The following C10orf71 variants were observed in gnomAD, a reference collection of about 807,000 sequenced individuals.
C10orf71 encodes the protein cardiac-enriched FHL2-interacting protein.
For missense variants in C10orf71, 1,869 were observed against 1,804.5 expected (o/e 1.04, Z -0.65); for synonymous variants, 758 against 726.3 (o/e 1.04, Z -0.70).
intron 1 of C10orf71, among the ~76,000 whole-genome samples, chr10:49,300,380 G>A (rs977009422): frequency 1.3e-5 from 2 of 148,898 alleles, no homozygotes; most frequent in African/African-American, 5.0e-5. Flanking sequence ...AACTGAAAAC[G>A]CTTACAATGT....
intron 1 of C10orf71, among the ~76,000 whole-genome samples, chr10:49,300,740 G>A (rs1048949276): frequency 1.3e-5 from 2 of 152,214 alleles, no homozygotes; most frequent in Admixed American, 6.5e-5. Context: ...CCTTCCCCGG[G>A]TGACCCAAGT....
intron 1 of C10orf71, among the ~76,000 whole-genome samples, chr10:49,312,582 C>T (rs911160125): frequency 6.6e-6 from 1 of 152,206 alleles, no homozygotes; most frequent in Admixed American, 6.5e-5. Flanking sequence ...GGCATCAAAG[C>T]CACTCCCCAA....
chr10:49,317,565 T>C (rs1333876060), intron 2 of C10orf71, among the ~76,000 whole-genome samples: 1 of 152,002 alleles, frequency 6.6e-6, no homozygotes, highest in Non-Finnish European at 1.5e-5. Context: ...AAAGGGAAAA[T>C]TTGGGCAGAG....
In C10orf71 at chr10:49,325,316, G is replaced by A. The variant is rs375445110; in HGVS notation, c.2771G>A (p.Gly924Asp). Residue 924 changes from glycine to aspartate, a missense_variant, in exon 3 of 3, where the codon GGC (glycine) becomes GAC (aspartate). By Grantham distance (94) the Gly-to-Asp change is moderately conservative. Coordinates refer to ENST00000374144, the MANE Select transcript of C10orf71 (RefSeq NM_001135196.2). Reference protein sequence around the residue: ...LGTSTPTNTRGTRVKCMANEV... With the variant: ...LGTSTPTNTRDTRVKCMANEV... The stretch of plus-strand genomic sequence containing the variant: ...ACATCGACACCCACTAACACACGGG[G>A]CACACGTGTGAAGTGCATGGCCAAC... The A allele has an allele frequency of 6.4e-7, 1 of 1,551,726 alleles. No homozygotes were observed. Among genetic ancestry groups the A allele is most frequent in the Non-Finnish European group, 8.7e-7 (1 of 1,147,008 alleles).
At chr10:49,297,120 T>G (rs993794832), upstream of C10orf71, among the ~76,000 whole-genome samples, 1 of 152,088 alleles carries the variant, frequency 6.6e-6, no homozygotes, top group Non-Finnish European at 1.5e-5. Flanking sequence ...AAACAAGACA[T>G]GAGGTCATGC....
chr10:49,300,845 G>A (rs1848717032), intron 1 of C10orf71, among the ~76,000 whole-genome samples: 3 of 152,212 alleles, frequency 2.0e-5, no homozygotes, highest in Non-Finnish European at 2.9e-5. Flanking sequence ...TGTGCGGTGG[G>A]TAAGAAGGGG....
In C10orf71 at chr10:49,326,479, A is replaced by C; in HGVS notation, c.3934A>C (p.Ile1312Leu). ...PETGKYVKVS[I>L]PSSEGASPEP... ...GACGGGCAAGTATGTCAAGGTCTCC[A>C]TCCCGTCCTCCGAGGGGGCCTCCCC... The change falls in exon 3 of 3, where the codon ATC (isoleucine) becomes CTC (leucine). Residue 1312 changes from isoleucine (I) to leucine (L), a missense_variant. Coordinates refer to ENST00000374144, the MANE Select transcript of C10orf71 (RefSeq NM_001135196.2). The C allele has an allele frequency of 6.5e-7, 1 of 1,550,224 alleles. No homozygotes were observed. The highest frequency in any genetic ancestry group is 1.2e-5 in the South Asian group (1 of 84,020).
chr10:49,307,838 T>A lies in C10orf71; in HGVS notation c.-247-8307T>A, dbSNP rs563641049. ...AGTCCCATTCTCCTCCTCTCTTCTT[T>A]TCTCCTGTGACTTCTCATTTCTCCT... On this transcript the variant is annotated intron_variant, in intron 1 of 2. Coordinates refer to ENST00000374144, the MANE Select transcript of C10orf71 (RefSeq NM_001135196.2). Among the ~76,000 whole-genome samples the A allele has an allele frequency of 2.0e-5, 3 of 152,304 alleles. No individual in the cohort carries two copies. The South Asian group carries it at 6.2e-4, about 32-fold the overall frequency.
chr10:49,317,192 C>T (rs1849012876), intron 2 of C10orf71, among the ~76,000 whole-genome samples: 1 of 152,126 alleles, frequency 6.6e-6, no homozygotes, highest in Non-Finnish European at 1.5e-5. Flanking sequence ...TACAGAAAAC[C>T]TGACTCATAG....
rs532628753 is a variant in C10orf71, at chr10:49,322,485, G to A, written c.-61G>A. On this transcript the variant is annotated 5_prime_UTR_variant, in exon 3 of 3. Transcript: ENST00000374144. ...GGGGAAGAGGGAAACACCTAACCTT[G>A]ACAGAATCATCACCAGAGACACCTG... 50 of 1,499,438 alleles carry A rather than the reference G, an allele frequency of 3.3e-5. No individual in the cohort carries two copies. The African/African-American group carries it at 6.8e-4, about 20-fold the overall frequency. 92.9% of individuals were successfully genotyped at this position (1,499,438 alleles called of 1,614,324 possible). A position where few individuals can be genotyped will look rare whatever the true frequency, so the allele number is the denominator to read the frequency against.
At chr10:49,317,843 A>T (rs556783334) in intron 2 of C10orf71, among the ~76,000 whole-genome samples, 34 of 151,910 alleles carry the variant, frequency 2.2e-4, no homozygotes, top group African/African-American at 4.1e-4. Context: ...AGAATGAAAA[A>T]TTTTTTTTTA....
rs781761138 is a variant in C10orf71 at position 49,324,828 on chromosome 10, T to C, written c.2283T>C (p.Ser761=). The stretch of plus-strand genomic sequence containing the variant: ...GGGAAGACAGGAGGAAGGATGTGAG[T>C]GCAGGTGACAGTCAGAAGGATGAGA... ...NQREDRRKDV[S]AGDSQKDEKE... is the part of the protein sequence containing the mutation. Residue 761 remains serine (S), a synonymous_variant, in exon 3 of 3, where the codon AGT becomes AGC. Transcript: ENST00000374144. The C allele has an allele frequency of 1.2e-5, 18 of 1,551,876 alleles. No individual in the cohort carries two copies. Among genetic ancestry groups the C allele is most frequent in the Middle Eastern group, 1.7e-4 (1 of 5,994 alleles).
chr10:49,326,439 C>G lies in C10orf71; in HGVS notation c.3894C>G (p.Thr1298=), dbSNP rs1849249653. ...TGCCACTCCAGGTGAAAATCAAGACCTTCTATGACCCAGAGACGGGCAAGT... is the reference window on the plus strand; with the variant it reads ...TGCCACTCCAGGTGAAAATCAAGACGTTCTATGACCCAGAGACGGGCAAGT... The part of the protein sequence containing the change: ...FDLPLQVKIK[T]FYDPETGKYV... The change falls in exon 3 of 3, where the codon ACC becomes ACG. Residue 1298 remains threonine, a synonymous_variant. Transcript: ENST00000374144. The G allele has an allele frequency of 6.5e-7, 1 of 1,550,302 alleles. No homozygotes were observed. Among genetic ancestry groups the G allele is most frequent in the African/African-American group, 1.4e-5 (1 of 73,158 alleles).
chr10:49,323,961 A>C lies in C10orf71; in HGVS notation c.1416A>C (p.Pro472=). The C allele has an allele frequency of 2.5e-6, 4 of 1,613,754 alleles. No individual in the cohort carries two copies. Among genetic ancestry groups the C allele is most frequent in the Non-Finnish European group, 3.4e-6 (4 of 1,179,802 alleles). ...CAGCAGAGCGAACCCCATCACCCCC[A>C]GGACAGCTAAACGGATACCAAGAGA... The part of the protein sequence containing the change: ...SQPAERTPSP[P]GQLNGYQEKE... The change falls in exon 3 of 3, where the codon CCA becomes CCC. Residue 472 remains proline, a synonymous_variant. Coordinates refer to ENST00000374144, the MANE Select transcript of C10orf71 (RefSeq NM_001135196.2).
Position 49,324,456 on chromosome 10 carries a change from G to A in C10orf71, c.1911G>A (p.Arg637=). 4 of 1,607,252 alleles carry A rather than the reference G, an allele frequency of 2.5e-6. No individual in the cohort carries two copies. Among genetic ancestry groups the A allele is most frequent in the Non-Finnish European group, 3.4e-6 (4 of 1,176,608 alleles). Reference sequence around the variant, plus strand: ...GATCCAGCTGGTGTCCAGACTCCAGGGAACACCGCCCCAGGAAACACCTCT... The same window carrying A: ...GATCCAGCTGGTGTCCAGACTCCAGAGAACACCGCCCCAGGAAACACCTCT... ...PAGSSWCPDS[R]EHRPRKHLSL... Residue 637 remains arginine, a synonymous_variant, in exon 3 of 3, where the codon AGG becomes AGA. Coordinates refer to ENST00000374144, the MANE Select transcript of C10orf71 (RefSeq NM_001135196.2).
Position 49,324,084 on chromosome 10 carries a change from ATAC to A in C10orf71, c.1540_1542del (p.Tyr514del). 2 of 1,613,988 alleles carry A rather than the reference ATAC, an allele frequency of 1.2e-6. No individual in the cohort carries two copies. Among genetic ancestry groups the A allele is most frequent in the Non-Finnish European group, 1.7e-6 (2 of 1,179,904 alleles). On this transcript the variant is annotated inframe_deletion, in exon 3 of 3. Coordinates refer to ENST00000374144, the MANE Select transcript of C10orf71 (RefSeq NM_001135196.2). ...ACGTGCGGAAGCGTGTTAAGAGCAC[ATAC>A]AGTTCCTCACCTCTCTTGAAAGTGC...
rs796132086 is a variant in C10orf71, at chr10:49,325,321, C to G, written c.2776C>G (p.Arg926Gly). Residue 926 changes from arginine (R) to glycine (G), a missense_variant, in exon 3 of 3, where the codon CGT becomes GGT. Physicochemically the swap from Arg to Gly is moderately radical, Grantham distance 125 (BLOSUM62 -2). Transcript: ENST00000374144. The stretch of plus-strand genomic sequence containing the variant: ...GACACCCACTAACACACGGGGCACA[C>G]GTGTGAAGTGCATGGCCAACGAGGT... ...TSTPTNTRGT[R>G]VKCMANEVME... 6.4e-7 allele frequency: 1 copy of G among 1,551,744 alleles called. No individual in the cohort carries two copies. Among genetic ancestry groups the G allele is most frequent in the Non-Finnish European group, 8.7e-7 (1 of 1,147,012 alleles).
Position 49,326,085 on chromosome 10 carries a change from C to T in C10orf71, c.3540C>T (p.Ala1180=). 6.4e-7 allele frequency: 1 copy of T among 1,551,744 alleles called. No homozygotes were observed. The highest frequency in any genetic ancestry group is 8.7e-7 in the Non-Finnish European group (1 of 1,146,996). Residue 1180 remains alanine (A), a synonymous_variant, in exon 3 of 3, where the codon GCC becomes GCT. Coordinates refer to ENST00000374144, the MANE Select transcript of C10orf71 (RefSeq NM_001135196.2). ...PPAVPPKTEK[A]LRRAKKLASK... ...CAGTCCCACCCAAAACAGAGAAAGC[C>T]CTGCGGCGGGCAAAGAAGCTGGCAA...
chr10:49,303,958 G>T (rs558848404), intron 1 of C10orf71, among the ~76,000 whole-genome samples: 2 of 152,292 alleles, frequency 1.3e-5, no homozygotes, highest in African/African-American at 4.8e-5. Context: ...ACAGGAGAAG[G>T]CCAGGCACAG....
Sources: gnomAD v4.1 joint callset for allele counts (sites outside exome capture counted in the v4.1 genomes callset) on GRCh38, gnomAD v4.1.1 for gene constraint, MANE v1.5 for transcripts, NCBI Gene and HGNC (gene_info 2026-07-23, HGNC 2026-07-21) for gene names.